Variants in LOC400499 observed in about 807,000 individuals in gnomAD.
At chr16:11,381,587 G>A in the LOC400499 span, among the ~76,000 whole-genome samples, 1 of 152,242 alleles carries the variant, frequency 6.6e-6, no homozygotes, top group Non-Finnish European at 1.5e-5. Context: ...TAGCAGGAAA[G>A]CAGCCATAGA....
the LOC400499 span, among the ~76,000 whole-genome samples, chr16:11,451,574 A>AAAAC: frequency 1.4e-5 from 2 of 148,112 alleles, no homozygotes; most frequent in African/African-American, 5.1e-5. Context: ...AAACAAACAA[A>AAAAC]CAAACAAAAA....
the LOC400499 span, among the ~76,000 whole-genome samples, chr16:11,506,710 A>G: frequency 6.6e-6 from 1 of 151,998 alleles, no homozygotes; most frequent in Non-Finnish European, 1.5e-5. Flanking sequence ...GGAAGGCCCG[A>G]CTCGGGGGTT....
At chr16:11,432,729 C>G in the LOC400499 span, among the ~76,000 whole-genome samples, 3 of 152,180 alleles carry the variant, frequency 2.0e-5, no homozygotes, top group Non-Finnish European at 4.4e-5. Flanking sequence ...GCTTCACCAC[C>G]AGGAACAAGA....
At chr16:11,402,143 G>T in the LOC400499 span, 3 of 399,146 alleles carry the variant, frequency 7.5e-6, no homozygotes, top group Non-Finnish European at 1.3e-5. Context: ...GAGGGGCAGC[G>T]GGTGGGTGAG....
the LOC400499 span, chr16:11,484,976 T>C: frequency 5.8e-3 from 2,326 of 399,270 alleles, 16 homozygotes; most frequent in African/African-American, 0.019. Context: ...TGGGGGTTCC[T>C]CTGGCTCAGG....
chr16:11,403,673 G>A, the LOC400499 span, among the ~76,000 whole-genome samples: 1 of 152,324 alleles, frequency 6.6e-6, no homozygotes, highest in East Asian at 1.9e-4. Context: ...CTGTGGGTCG[G>A]GCTCTGCTCT....
chr16:11,435,841 G>A, the LOC400499 span: 1 of 399,084 alleles, frequency 2.5e-6, no homozygotes, highest in African/African-American at 2.1e-5. Context: ...GAGACCCGTT[G>A]AGGCTGCGCA....
chr16:11,512,704 G>A, the LOC400499 span, among the ~76,000 whole-genome samples: 1 of 152,288 alleles, frequency 6.6e-6, no homozygotes, highest in East Asian at 1.9e-4. Flanking sequence ...ATGGTGAATT[G>A]TATGGTATGT....
At chr16:11,486,057 T>C in the LOC400499 span, among the ~76,000 whole-genome samples, 561 of 150,432 alleles carry the variant, frequency 3.7e-3, 3 homozygotes, top group Middle Eastern at 7.1e-3. Context: ...AATAGATGGA[T>C]GGATGTATGG....
chr16:11,415,958 TTG>T, the LOC400499 span, among the ~76,000 whole-genome samples: 14 of 65,400 alleles, frequency 2.1e-4, no homozygotes, highest in African/African-American at 1.3e-3. Context: ...TGTTGTTGTT[TTG>T]TTTTTTTTTT....
At chr16:11,391,901 G>C in the LOC400499 span, 1 of 1,095,032 alleles carries the variant, frequency 9.1e-7, no homozygotes, top group South Asian at 4.6e-5. Flanking sequence ...GTGAGGTCCA[G>C]GGCAGAGAGA....
At chr16:11,428,787 T>C in the LOC400499 span, among the ~76,000 whole-genome samples, 1 of 152,134 alleles carries the variant, frequency 6.6e-6, no homozygotes, top group Non-Finnish European at 1.5e-5. Context: ...GTTGCTCTGG[T>C]TTACACACCT....
the LOC400499 span, among the ~76,000 whole-genome samples, chr16:11,471,029 G>A: frequency 1.3e-5 from 2 of 152,238 alleles, no homozygotes; most frequent in Non-Finnish European, 2.9e-5. Context: ...GGGCAGGACT[G>A]CCAAGGGCCT....
At chr16:11,471,643 C>G in the LOC400499 span, 8 of 398,956 alleles carry the variant, frequency 2.0e-5, no homozygotes, top group Non-Finnish European at 1.3e-5. Context: ...GGGCTGTTGT[C>G]TAGGGCCCAC....
the LOC400499 span, among the ~76,000 whole-genome samples, chr16:11,461,685 A>G: frequency 1.3e-5 from 2 of 152,072 alleles, no homozygotes; most frequent in Admixed American, 6.5e-5. Flanking sequence ...ACTCCCAGAC[A>G]CCCACATCGG....
At chr16:11,391,229 G>T in the LOC400499 span, among the ~76,000 whole-genome samples, 11 of 152,234 alleles carry the variant, frequency 7.2e-5, no homozygotes, top group Non-Finnish European at 1.5e-5. Context: ...GCCCTGGATG[G>T]CGGAGAGGCC....
At chr16:11,385,946 G>A in the LOC400499 span, among the ~76,000 whole-genome samples, 4 of 152,186 alleles carry the variant, frequency 2.6e-5, no homozygotes, top group Non-Finnish European at 5.9e-5. Flanking sequence ...TGAGGCAGGA[G>A]GATCACTTGA....
the LOC400499 span, chr16:11,485,154 T>G: frequency 7.5e-6 from 3 of 398,322 alleles, no homozygotes; most frequent in Non-Finnish European, 8.8e-6. Context: ...GGGATATGAA[T>G]GGAGGACCCA....
chr16:11,401,849 G>C, the LOC400499 span, among the ~76,000 whole-genome samples: 1 of 152,238 alleles, frequency 6.6e-6, no homozygotes, highest in Non-Finnish European at 1.5e-5. Flanking sequence ...TGGCTGTCAA[G>C]GTGTTGTGGG....
Sources: allele counts gnomAD v4.1 joint callset (sites outside exome capture counted in the v4.1 genomes callset), GRCh38; gene constraint gnomAD v4.1.1; transcripts MANE v1.5.